L3MBTL3: variants seen among roughly 807,000 people sequenced by gnomAD.
L3MBTL3 encodes the protein L3MBTL histone methyl-lysine binding protein 3.
L3MBTL3 carries 27 observed loss-of-function variants against 102.3 expected under a neutral mutation model. The ratio of observed to expected loss-of-function variants is 0.26; its 90% CI spans 0.19 to 0.36. The LOEUF is 0.36. L3MBTL3 is among the 10% of genes least tolerant of loss of function. L3MBTL3 has a pLI of 1.00. For missense variants in L3MBTL3, 798 were observed against 955.3 expected, an observed-to-expected ratio of 0.84 and a Z score of 2.17; for synonymous variants, 340 against 320.9, an observed-to-expected ratio of 1.06 and a Z score of -0.64.
chr6:130,038,353 C>T lies in L3MBTL3; in HGVS notation c.-15-4332C>T, dbSNP rs189467484. On this transcript the variant is annotated intron_variant, in intron 2 of 22. Transcript: ENST00000361794. Reference sequence around the variant, plus strand: ...TTTTGAGGATCCTCCATACTGTTTTCTATAATGGCCATACTACTCTATATT... The same window carrying T: ...TTTTGAGGATCCTCCATACTGTTTTTTATAATGGCCATACTACTCTATATT... Among the ~76,000 whole-genome samples the T allele has an allele frequency of 2.2e-3, 341 of 151,874 alleles. 8 individuals are homozygous for T. The highest frequency in any genetic ancestry group is 0.02 in the Admixed American group (300 of 15,256).
intron 18 of L3MBTL3, among the ~76,000 whole-genome samples, chr6:130,099,796 C>T (rs9483085): frequency 0.17 from 26,308 of 152,118 alleles, 2,805 homozygotes; most frequent in Non-Finnish European, 0.24. Flanking sequence ...TTCTTTGTGC[C>T]GGTGTCCTCA....
chr6:130,105,728 C>G (rs543829566), intron 19 of L3MBTL3, among the ~76,000 whole-genome samples: 11 of 151,882 alleles, frequency 7.2e-5, no homozygotes, highest in African/African-American at 2.4e-4. Flanking sequence ...TAAGAATACG[C>G]TTTAGATTTC....
intron 22 of L3MBTL3, among the ~76,000 whole-genome samples, 197 bp downstream of exon 22, chr6:130,134,102 G>A (rs888436144): frequency 6.6e-6 from 1 of 152,136 alleles, no homozygotes; most frequent in Non-Finnish European, 1.5e-5. Context: ...GCATAAGAAT[G>A]TTTGTGAGTA....
At chr6:130,021,996 G>A (rs912677385) in intron 1 of L3MBTL3, among the ~76,000 whole-genome samples, 3 of 152,174 alleles carry the variant, frequency 2.0e-5, no homozygotes, top group African/African-American at 7.2e-5. Context: ...TATACAACAG[G>A]AGAGACGTTA....
At chr6:130,074,942 G>A (rs1430919181) in intron 13 of L3MBTL3, among the ~76,000 whole-genome samples, 1 of 152,106 alleles carries the variant, frequency 6.6e-6, no homozygotes, top group Non-Finnish European at 1.5e-5. Flanking sequence ...TTTTAGAGAT[G>A]AATCTCTTTT....
intron 18 of L3MBTL3, among the ~76,000 whole-genome samples, chr6:130,098,117 C>G (rs1356947113): frequency 6.6e-6 from 1 of 151,956 alleles, no homozygotes; most frequent in African/African-American, 2.4e-5. Flanking sequence ...AGAACTGAAT[C>G]TTTTCTTTGT....
intron 20 of L3MBTL3, among the ~76,000 whole-genome samples, chr6:130,124,831 A>T (rs547894986): frequency 6.6e-6 from 1 of 152,110 alleles, no homozygotes; most frequent in Non-Finnish European, 1.5e-5. Context: ...TCAGCCGGGC[A>T]TGGTGGCTCA....
chr6:130,026,724 C>T (rs1327186742), intron 2 of L3MBTL3, among the ~76,000 whole-genome samples: 3 of 152,020 alleles, frequency 2.0e-5, no homozygotes, highest in Non-Finnish European at 4.4e-5. Context: ...TTGGGAATCA[C>T]TGGGCTTACT....
In L3MBTL3 at chr6:130,081,410, C is replaced by T. The variant is rs9483080; in HGVS notation, c.1322-2210C>T. Among the ~76,000 whole-genome samples the T allele has an allele frequency of 3.6e-3, 543 of 148,802 alleles. 3 individuals are homozygous for T. Among genetic ancestry groups the T allele is most frequent in the African/African-American group, 0.012 (485 of 40,152 alleles). ...AAATGTATACACAGAACTATGTTTGCGTATTAACTCCATTTTTTTTTTTTT... is the reference window on the plus strand; with the variant it reads ...AAATGTATACACAGAACTATGTTTGTGTATTAACTCCATTTTTTTTTTTTT... On this transcript the variant is annotated intron_variant, in intron 14 of 22. Coordinates refer to ENST00000361794, the MANE Select transcript of L3MBTL3 (RefSeq NM_032438.4).
At chr6:130,111,354 A>T (rs1249203575) in intron 19 of L3MBTL3, among the ~76,000 whole-genome samples, 5 of 152,166 alleles carry the variant, frequency 3.3e-5, no homozygotes, top group Non-Finnish European at 7.3e-5. Flanking sequence ...CTTGAACCAG[A>T]GTGAGGCTGT....
intron 13 of L3MBTL3, among the ~76,000 whole-genome samples, chr6:130,075,824 T>C (rs1003709884): frequency 1.3e-5 from 2 of 152,176 alleles, no homozygotes; most frequent in Admixed American, 1.3e-4. Flanking sequence ...AAATAAACTT[T>C]CTTTTCACTC....
At position 130,127,820 on chromosome 6, in the gene L3MBTL3, A is replaced by G. The variant is rs1277903753; in HGVS notation, c.1967-5632A>G. On this transcript the variant is annotated intron_variant, in intron 20 of 22. Transcript: ENST00000361794. ...TTTTTTGTTTTTTTTAGTAACATTA[A>G]GTAGTTTATTTAATACCTGCTGCTA... 3.3e-5 allele frequency among the ~76,000 whole-genome samples: 5 copies of G among 152,130 alleles called. No individual in the cohort carries two copies. The South Asian group carries it at 6.2e-4, about 19-fold the overall frequency.
intron 10 of L3MBTL3, among the ~76,000 whole-genome samples, chr6:130,064,623 C>T (rs1782125231): frequency 6.6e-6 from 1 of 152,082 alleles, no homozygotes; most frequent in African/African-American, 2.4e-5. Flanking sequence ...GCTCGAGCCT[C>T]GGCAGGGGAG....
rs1437107922 is a variant in L3MBTL3, at chr6:130,042,718, A to G, written c.19A>G (p.Ser7Gly). The G allele has an allele frequency of 1.9e-6, 3 of 1,612,696 alleles. No individual in the cohort carries two copies. In the South Asian group the frequency reaches 3.3e-5, roughly 18 times the overall value. MTESAS[S>G]TSGQEFDVFS... Reference sequence around the variant, plus strand: ...ATAAATCATGACTGAATCTGCCTCTAGCACAAGTGGTCAAGAGTTTGATGT... The same window carrying G: ...ATAAATCATGACTGAATCTGCCTCTGGCACAAGTGGTCAAGAGTTTGATGT... The change falls in exon 3 of 23, where the codon AGC (serine) becomes GGC (glycine). Residue 7 changes from serine (S) to glycine (G), a missense_variant. Physicochemically the swap from Ser to Gly is moderately conservative, Grantham distance 56. Coordinates refer to ENST00000361794, the MANE Select transcript of L3MBTL3 (RefSeq NM_032438.4).
intron 1 of L3MBTL3, among the ~76,000 whole-genome samples, chr6:130,021,840 C>T (rs1385293512): frequency 6.6e-6 from 1 of 152,116 alleles, no homozygotes; most frequent in Admixed American, 6.5e-5. Flanking sequence ...GATTTAAAGT[C>T]CTTAAATACA....
chr6:130,052,529 A>T (rs1467609094), intron 6 of L3MBTL3, among the ~76,000 whole-genome samples: 1 of 152,238 alleles, frequency 6.6e-6, no homozygotes, highest in East Asian at 1.9e-4. Flanking sequence ...AAATATCTCT[A>T]AATAATCAAT....
intron 16 of L3MBTL3, among the ~76,000 whole-genome samples, chr6:130,091,074 G>T (rs952886758): frequency 6.6e-6 from 1 of 152,082 alleles, no homozygotes; most frequent in Admixed American, 6.6e-5. Flanking sequence ...GGGGTTTCTT[G>T]TAGGTCTTTC....
intron 18 of L3MBTL3, among the ~76,000 whole-genome samples, chr6:130,098,871 T>C (rs940458924): frequency 1.1e-4 from 16 of 151,056 alleles, no homozygotes; most frequent in African/African-American, 2.4e-4. Flanking sequence ...TTCTTTTTTT[T>C]TTTTTTTTTT....
chr6:130,097,960 C>T (rs1045469906), intron 18 of L3MBTL3, among the ~76,000 whole-genome samples: 10 of 151,792 alleles, frequency 6.6e-5, no homozygotes, highest in Non-Finnish European at 1.0e-4. Flanking sequence ...CCAGCTACTC[C>T]GGAGGCTGAG....
Sources: gnomAD v4.1 joint callset for allele counts (sites outside exome capture counted in the v4.1 genomes callset) on GRCh38, gnomAD v4.1.1 for gene constraint, MANE v1.5 for transcripts, NCBI Gene and HGNC (gene_info 2026-07-23, HGNC 2026-07-21) for gene names.